The following HOXA1 variants were observed in gnomAD, a reference collection of about 807,000 sequenced individuals.
HOXA1 encodes the protein homeobox A1.
Under a neutral mutation model 28.3 loss-of-function variants are expected in HOXA1, and 21 were observed. The ratio of observed to expected loss-of-function variants is 0.74; its 90% CI spans 0.53 to 1.07. The LOEUF is 1.07. Among genes scored for constraint, HOXA1 ranks in the 50% least tolerant of loss-of-function variants. HOXA1 has a pLI of 0.00. For synonymous variants in HOXA1, 208 were observed against 181.2 expected (o/e 1.15, Z -1.19); for missense variants, 446 against 434.3 (o/e 1.03, Z -0.24).
Position 27,094,224 on chromosome 7 carries a change from G to T in HOXA1, c.*216C>A, listed in dbSNP as rs967509352. Reference sequence around the variant, plus strand: ...TGTTAAGGCCCACCAGAAAATGTATGCTGGCACCCAATCTGGATGAAGGTG... The same window carrying T: ...TGTTAAGGCCCACCAGAAAATGTATTCTGGCACCCAATCTGGATGAAGGTG... On this transcript the variant is annotated 3_prime_UTR_variant, in exon 2 of 2. Transcript: ENST00000643460. 7.1e-6 allele frequency: 4 copies of T among 563,676 alleles called. No individual in the cohort carries two copies. The highest frequency in any genetic ancestry group is 1.3e-5 in the Non-Finnish European group (4 of 314,734). 34.9% of individuals were successfully genotyped at this position (563,676 alleles called of 1,614,324 possible).
At chr7:27,094,915 C>A in intron 1 of HOXA1, 120 bp from the exon 2 acceptor site, 4 of 797,612 alleles carry the variant, frequency 5.0e-6, no homozygotes, top group Non-Finnish European at 8.3e-6. Flanking sequence ...CAGCACAAAT[C>A]GGGCTGTGGA....
In HOXA1 at chr7:27,094,494, G is replaced by A. The variant is rs1314645375; in HGVS notation, c.954C>T (p.Pro318=). Residue 318 remains proline, a synonymous_variant, in exon 2 of 2, where the codon CCC becomes CCT. Coordinates refer to ENST00000643460, the MANE Select transcript of HOXA1 (RefSeq NM_005522.5). ...EESSEKSSSS[P]CVPSPGSSTS... is the part of the protein sequence containing the mutation. ...TAGAAGACCCCGGGGAAGGAACGCA[G>A]GGCGAAGAGCTGGACTTCTCTGAGG... 2 of 1,614,214 alleles carry A rather than the reference G, an allele frequency of 1.2e-6. No individual in the cohort carries two copies. The highest frequency in any genetic ancestry group is 1.7e-6 in the Non-Finnish European group (2 of 1,180,036).
intron 1 of HOXA1, 66 bp downstream of exon 1, chr7:27,095,195 T>C: frequency 2.6e-6 from 4 of 1,509,536 alleles, no homozygotes; most frequent in Non-Finnish European, 2.8e-6. Flanking sequence ...TTAATTTCCT[T>C]GGAAATTAAG....
In HOXA1 at chr7:27,094,120, T is replaced by C. The variant is rs545859163; in HGVS notation, c.*320A>G. ...GAAGATTCCTTCTGGCATGTTTCTG[T>C]TGGCAAAGGGAACTATTTTCCAAAA... On this transcript the variant is annotated 3_prime_UTR_variant, in exon 2 of 2. Coordinates refer to ENST00000643460, the MANE Select transcript of HOXA1 (RefSeq NM_005522.5). 5.8e-6 allele frequency: 2 copies of C among 343,516 alleles called. No individual in the cohort carries two copies. The highest frequency in any genetic ancestry group is 1.3e-4 in the East Asian group (2 of 15,022). 21.3% of individuals were successfully genotyped at this position (343,516 alleles called of 1,614,324 possible). A position where few individuals can be genotyped will look rare whatever the true frequency, so the allele number is the denominator to read the frequency against.
Position 27,093,215 on chromosome 7 carries a change from C to T in HOXA1, c.*1225G>A, listed in dbSNP as rs1783744179. The T allele has an allele frequency of 6.6e-6, 1 of 152,520 alleles. No homozygotes were observed. The highest frequency in any genetic ancestry group is 2.4e-5 in the African/African-American group (1 of 41,420). The allele number at this position is 152,520 out of a possible 1,614,324, so 9.4% of individuals were successfully genotyped here. ...GGCCCATCTCTTTGAAAATATTTAC[C>T]ACCCTTCTCCCTTTCCCCTCATGAA... is the stretch of plus-strand genomic sequence containing the variant. On this transcript the variant is annotated 3_prime_UTR_variant, in exon 2 of 2. Coordinates refer to ENST00000643460, the MANE Select transcript of HOXA1 (RefSeq NM_005522.5).
At chr7:27,095,206 C>T in intron 1 of HOXA1, 55 bp downstream of exon 1, 1 of 1,554,004 alleles carries the variant, frequency 6.4e-7, no homozygotes, top group East Asian at 2.2e-5. Flanking sequence ...GGAAATTAAG[C>T]ATACCAGCTC....
In HOXA1 at chr7:27,094,347, T is replaced by C. The variant is rs1298290574; in HGVS notation, c.*93A>G. Reference sequence around the variant, plus strand: ...GGATTAGAAAGGAAGAAAGAGACTGTAAATGGAAAGAAAGATAAGCTAAGC... The same window carrying C: ...GGATTAGAAAGGAAGAAAGAGACTGCAAATGGAAAGAAAGATAAGCTAAGC... On this transcript the variant is annotated 3_prime_UTR_variant, in exon 2 of 2. Transcript: ENST00000643460. The C allele has an allele frequency of 4.9e-5, 44 of 894,488 alleles. No individual in the cohort carries two copies. The highest frequency in any genetic ancestry group is 5.6e-6 in the Non-Finnish European group (3 of 533,364). The allele number at this position is 894,488 out of a possible 1,614,324, so 55.4% of individuals were successfully genotyped here. A position where few individuals can be genotyped will look rare whatever the true frequency, so the allele number is the denominator to read the frequency against.
chr7:27,095,029 A>C (rs951448886), intron 1 of HOXA1, among the ~76,000 whole-genome samples: 1 of 152,096 alleles, frequency 6.6e-6, no homozygotes, highest in African/African-American at 2.4e-5. Context: ...CTACCGTCAC[A>C]ATAACCACCC....
chr7:27,094,877 C>G, intron 1 of HOXA1, 82 bp from the exon 2 acceptor site: 1 of 1,020,642 alleles, frequency 9.8e-7, no homozygotes, highest in South Asian at 1.3e-5. Flanking sequence ...TTCATGGCAA[C>G]ACTCAGGTAA....
Position 27,094,550 on chromosome 7 carries a change from G to C in HOXA1, c.898C>G (p.Pro300Ala), listed in dbSNP as rs1471681406. 6.2e-7 allele frequency: 1 copy of C among 1,614,196 alleles called. No individual in the cohort carries two copies. Among genetic ancestry groups the C allele is most frequent in the Admixed American group, 1.7e-5 (1 of 60,030 alleles). The change falls in exon 2 of 2, where the codon CCG becomes GCG. Residue 300 changes from proline (P) to alanine (A), a missense_variant. Coordinates refer to ENST00000643460, the MANE Select transcript of HOXA1 (RefSeq NM_005522.5). ...EGLLPISPAT[P>A]PGNDEKAEES... ...TCGGCCTTCTCGTCGTTTCCTGGCG[G>C]GGTGGCCGGAGAGATGGGCAAGAGA...
In HOXA1 at chr7:27,095,931, G is replaced by GT. The variant is rs762160733; in HGVS notation, c.-20dup. On this transcript the variant is annotated 5_prime_UTR_variant, in exon 1 of 2. It removes the in-frame stop codon of an upstream open reading frame in the 5' UTR. Transcript: ENST00000643460. ...TGTCCATCTGTCACTGAGTGACCTGGTCCTGCGAAGCCCGGCGTGACTGTG... is the reference window on the plus strand; with the variant it reads ...TGTCCATCTGTCACTGAGTGACCTGGTTCCTGCGAAGCCCGGCGTGACTGTG... The GT allele has an allele frequency of 8.7e-6, 14 of 1,610,460 alleles. No homozygotes were observed. Among genetic ancestry groups the GT allele is most frequent in the Non-Finnish European group, 1.2e-5 (14 of 1,178,076 alleles).
At position 27,095,691 on chromosome 7, in the gene HOXA1, GTGGCGA is replaced by G. The variant is rs767586523; in HGVS notation, c.216_221del (p.Arg73_His74del). 4.4e-4 allele frequency: 680 copies of G among 1,544,470 alleles called. 4 individuals are homozygous for G. The highest frequency in any genetic ancestry group is 2.4e-3 in the South Asian group (215 of 88,682). ...AAGTCTGGTAGGTAGCCGGCTGGGG[GTGGCGA>G]TGGTGGTGGTGGTGGTGGTGGTGGG... On this transcript the variant is annotated inframe_deletion, in exon 1 of 2. Transcript: ENST00000643460.
chr7:27,094,997 G>C (rs1783786118), intron 1 of HOXA1, among the ~76,000 whole-genome samples: 1 of 151,956 alleles, frequency 6.6e-6, no homozygotes, highest in South Asian at 2.1e-4. Context: ...GATTAATGGA[G>C]CCTCAAGATA....
In HOXA1 at chr7:27,095,471, C is replaced by G. The variant is rs778565093; in HGVS notation, c.442G>C (p.Gly148Arg). Reference protein sequence around the residue: ...PMVQHHHHHQGYAGGAVGSPQ... With the variant: ...PMVQHHHHHQRYAGGAVGSPQ... ...GAGCCCACCGCGCCCCCAGCATAAC[C>G]CTGGTGGTGGTGGTGATGCTGGACC... Residue 148 changes from glycine to arginine, a missense_variant, in exon 1 of 2, where the codon GGT becomes CGT. Physicochemically the swap from Gly to Arg is moderately radical, Grantham distance 125. Transcript: ENST00000643460. 2.5e-6 allele frequency: 4 copies of G among 1,613,992 alleles called. No individual in the cohort carries two copies. In the African/African-American group the frequency reaches 5.3e-5, roughly 22 times the overall value.
At chr7:27,095,168 T>TA (rs888784332) in intron 1 of HOXA1, 93 bp downstream of exon 1, 110 of 1,400,690 alleles carry the variant, frequency 7.9e-5, no homozygotes, top group Middle Eastern at 5.9e-4. Flanking sequence ...AAAAGCCTTT[T>TA]AAAAAAAAGA....
rs765543665 is a variant in HOXA1, at chr7:27,095,543, G to T, written c.370C>A (p.Pro124Thr). 6.2e-7 allele frequency: 1 copy of T among 1,614,124 alleles called. No homozygotes were observed. Among genetic ancestry groups the T allele is most frequent in the Non-Finnish European group, 8.5e-7 (1 of 1,180,032 alleles). ...GAGTAAACAGCGGGAGCGCACTGGG[G>T]GTACCCACCACTTACGTCTGCTTCC... The part of the protein sequence containing the change: ...NQEADVSGGY[P>T]QCAPAVYSGN... Residue 124 changes from proline (P) to threonine (T), a missense_variant, in exon 1 of 2, where the codon CCC (proline) becomes ACC (threonine). Physicochemically the swap from Pro to Thr is conservative, Grantham distance 38 (BLOSUM62 -1). Transcript: ENST00000643460.
chr7:27,095,090 T>C (rs192550586), intron 1 of HOXA1, 171 bp downstream of exon 1: 4 of 737,876 alleles, frequency 5.4e-6, no homozygotes, highest in East Asian at 5.4e-5. Flanking sequence ...AACACACCAA[T>C]CCCTGAGACT....
chr7:27,094,757 C>T lies in HOXA1; in HGVS notation c.691G>A (p.Ala231Thr), dbSNP rs779419910. The T allele has an allele frequency of 2.5e-6, 4 of 1,613,914 alleles. No individual in the cohort carries two copies. The South Asian group carries it at 4.4e-5, about 18-fold the overall frequency. ...GEYGYLGQPNAVRTNFTTKQL... is the reference protein window; with the variant it reads ...GEYGYLGQPNTVRTNFTTKQL... ...TTGGTAGTGAAGTTGGTGCGCACCGCGTTGGGTTGACCCAGGTAGCCGTAC... is the reference window on the plus strand; with the variant it reads ...TTGGTAGTGAAGTTGGTGCGCACCGTGTTGGGTTGACCCAGGTAGCCGTAC... The change falls in exon 2 of 2, where the codon GCG (alanine) becomes ACG (threonine). Residue 231 changes from alanine (A) to threonine (T), a missense_variant. Physicochemically the swap from Ala to Thr is moderately conservative, Grantham distance 58. Coordinates refer to ENST00000643460, the MANE Select transcript of HOXA1 (RefSeq NM_005522.5).
At position 27,095,846 on chromosome 7, in the gene HOXA1, A is replaced by G. The variant is rs1335660240; in HGVS notation, c.67T>C (p.Cys23Arg). 1.9e-6 allele frequency: 3 copies of G among 1,613,928 alleles called. No individual in the cohort carries two copies. The highest frequency in any genetic ancestry group is 2.2e-5 in the South Asian group (2 of 91,088). Residue 23 changes from cysteine to arginine, a missense_variant, in exon 1 of 2, where the codon TGC becomes CGC. Transcript: ENST00000643460. ...TCCGAGGGGTAGGCTCGGGCTGAGC[A>G]GGTCCCCGAGTCGCCACTGCTAAGT... ...PILSSGDSGT[C>R]SARAYPSDHR...
Sources: allele counts gnomAD v4.1 joint callset (sites outside exome capture counted in the v4.1 genomes callset), GRCh38; gene constraint gnomAD v4.1.1; transcripts MANE v1.5; gene names NCBI Gene and HGNC (gene_info 2026-07-23, HGNC 2026-07-21).